APBB1IP: variants seen among roughly 807,000 people sequenced by gnomAD.
APBB1IP encodes the protein amyloid beta precursor protein binding family B member 1 interacting protein.
A neutral mutation model predicts 64.9 loss-of-function variants in APBB1IP; 27 were observed. The observed-to-expected ratio is 0.42, with a 90% CI of 0.31 to 0.57. The LOEUF is 0.57. Among genes scored for constraint, APBB1IP ranks in the 20% least tolerant of loss-of-function variants. APBB1IP has a pLI of 0.20. For missense variants in APBB1IP, 812 were observed against 845.5 expected (o/e 0.96, Z 0.49); for synonymous variants, 392 against 331.0 (o/e 1.18, Z -2.00).
chr10:26,526,424 T>C (rs1264877090), intron 8 of APBB1IP, among the ~76,000 whole-genome samples: 1 of 152,180 alleles, frequency 6.6e-6, no homozygotes, highest in Non-Finnish European at 1.5e-5. Context: ...TTTTGCTAAC[T>C]TAAAAATAAT....
At chr10:26,451,936 A>G (rs534972816) in intron 2 of APBB1IP, among the ~76,000 whole-genome samples, 119 of 152,342 alleles carry the variant, frequency 7.8e-4, no homozygotes, top group African/African-American at 2.7e-3. Context: ...TCAATTATCA[A>G]CACTTCCTTT....
chr10:26,487,657 T>C (rs1448575559), intron 2 of APBB1IP, among the ~76,000 whole-genome samples: 1 of 152,174 alleles, frequency 6.6e-6, no homozygotes, highest in African/African-American at 2.4e-5. Context: ...GCTGTTGTTT[T>C]GAGTTATTTC....
intron 11 of APBB1IP, among the ~76,000 whole-genome samples, chr10:26,559,410 AAAC>A (rs1377031878): frequency 2.0e-5 from 3 of 151,956 alleles, no homozygotes; most frequent in South Asian, 2.1e-4. Context: ...CCAAAAAAAA[AAAC>A]AACGTTTTTT....
At chr10:26,470,357 T>G (rs1273437852) in intron 2 of APBB1IP, among the ~76,000 whole-genome samples, 1 of 151,830 alleles carries the variant, frequency 6.6e-6, no homozygotes, top group Non-Finnish European at 1.5e-5. Context: ...ACCAATATGG[T>G]GAAACCCCAT....
chr10:26,566,106 C>A (rs1489803172), intron 14 of APBB1IP, among the ~76,000 whole-genome samples: 2 of 151,956 alleles, frequency 1.3e-5, no homozygotes, highest in African/African-American at 4.8e-5. Context: ...TTTTGCTGTT[C>A]CACTGTAACA....
intron 5 of APBB1IP, 107 bp from the exon 6 acceptor site, chr10:26,503,090 G>A: frequency 2.0e-6 from 2 of 997,768 alleles, no homozygotes; most frequent in South Asian, 1.8e-5. Flanking sequence ...GTGAAATTTG[G>A]TACCTTTTGT....
chr10:26,540,605 C>T (rs565320337), intron 10 of APBB1IP, among the ~76,000 whole-genome samples: 2 of 152,114 alleles, frequency 1.3e-5, no homozygotes, highest in East Asian at 3.9e-4. Context: ...GAAAAGAATA[C>T]AAGCATATGT....
chr10:26,498,870 C>T (rs1450557728), intron 4 of APBB1IP, among the ~76,000 whole-genome samples: 1 of 152,156 alleles, frequency 6.6e-6, no homozygotes, highest in Non-Finnish European at 1.5e-5. Context: ...CATTTAAAAA[C>T]TACTGCTACG....
chr10:26,533,602 A>G (rs1461600383), intron 9 of APBB1IP, 77 bp downstream of exon 9: 1 of 957,608 alleles, frequency 1.0e-6, no homozygotes, highest in African/African-American at 1.7e-5. Flanking sequence ...TCCGAGAACA[A>G]TGGAAAAATC....
chr10:26,488,366 T>G (rs1294251444), intron 2 of APBB1IP, among the ~76,000 whole-genome samples: 1 of 151,996 alleles, frequency 6.6e-6, no homozygotes, highest in Non-Finnish European at 1.5e-5. Context: ...CTCCCAAGTA[T>G]GTGGGACTAC....
chr10:26,552,915 C>T (rs1377050128), intron 11 of APBB1IP, among the ~76,000 whole-genome samples: 1 of 152,188 alleles, frequency 6.6e-6, no homozygotes, highest in East Asian at 1.9e-4. Context: ...CTCTAACTCA[C>T]TCCCCTCAGT....
intron 11 of APBB1IP, among the ~76,000 whole-genome samples, chr10:26,551,066 G>A (rs534090188): frequency 2.0e-4 from 30 of 152,182 alleles, no homozygotes; most frequent in Non-Finnish European, 4.0e-4. Context: ...AGGCTCTCAG[G>A]TCCAGAGGTT....
intron 6 of APBB1IP, chr10:26,509,697 T>G (rs1352309137): frequency 6.6e-6 from 1 of 152,232 alleles, no homozygotes; most frequent in African/African-American, 2.4e-5. Flanking sequence ...GGACAGAACC[T>G]GGCTGCTCAG....
At chr10:26,521,573 C>A (rs182926190) in intron 8 of APBB1IP, among the ~76,000 whole-genome samples, 61 of 152,216 alleles carry the variant, frequency 4.0e-4, no homozygotes, top group Non-Finnish European at 6.9e-4. Context: ...CCTTCCTCAG[C>A]TTACTTATCT....
intron 8 of APBB1IP, among the ~76,000 whole-genome samples, chr10:26,529,960 C>T (rs1371027531): frequency 6.6e-6 from 1 of 152,140 alleles, no homozygotes; most frequent in Admixed American, 6.6e-5. Flanking sequence ...TCATTATGCT[C>T]TCTGTTCATG....
intron 2 of APBB1IP, among the ~76,000 whole-genome samples, chr10:26,455,613 T>C (rs1436176955): frequency 6.6e-6 from 1 of 152,132 alleles, no homozygotes; most frequent in Non-Finnish European, 1.5e-5. Flanking sequence ...GTGAAACACA[T>C]ATAAAATACA....
At chr10:26,470,258 T>C (rs1564353529) in intron 2 of APBB1IP, among the ~76,000 whole-genome samples, 1 of 152,144 alleles carries the variant, frequency 6.6e-6, no homozygotes, top group Non-Finnish European at 1.5e-5. Context: ...AGGCTCGGAC[T>C]GGGCACAGTG....
intron 2 of APBB1IP, among the ~76,000 whole-genome samples, chr10:26,482,289 T>C (rs1374337348): frequency 6.6e-6 from 1 of 152,234 alleles, no homozygotes; most frequent in Non-Finnish European, 1.5e-5. Flanking sequence ...ACTTTAGAGA[T>C]GCTTCTGTTT....
intron 2 of APBB1IP, among the ~76,000 whole-genome samples, chr10:26,453,172 T>C (rs989179797): frequency 5.3e-5 from 8 of 152,198 alleles, no homozygotes; most frequent in Non-Finnish European, 1.0e-4. Context: ...AAAGTCGTGA[T>C]TCTGATGCTG....
Sources: gnomAD v4.1 joint callset for allele counts (sites outside exome capture counted in the v4.1 genomes callset) on GRCh38, gnomAD v4.1.1 for gene constraint, MANE v1.5 for transcripts, NCBI Gene and HGNC (gene_info 2026-07-23, HGNC 2026-07-21) for gene names.